The following SEMA6D variants were observed in gnomAD, a reference collection of about 807,000 sequenced individuals.
SEMA6D encodes semaphorin-6D.
A neutral mutation model predicts 106.6 loss-of-function variants in SEMA6D; 35 were observed. The observed-to-expected ratio is 0.33, with a 90% CI of 0.25 to 0.44. The LOEUF (loss-of-function observed/expected upper bound fraction) is 0.44, where lower values mean the gene tolerates loss of function less well. Ranked by LOEUF, SEMA6D falls within the 20% of genes least tolerant of loss-of-function variation. The pLI, the probability that SEMA6D is intolerant of heterozygous loss-of-function variation, is 1.00. For synonymous variants in SEMA6D, 499 were observed against 487.7 expected, an observed-to-expected ratio of 1.02 and a Z score of -0.31; for missense variants, 1,185 against 1,345.9, an observed-to-expected ratio of 0.88 and a Z score of 1.87.
chr15:47,237,929 G>A (rs767754497), intron 1 of SEMA6D, among the ~76,000 whole-genome samples: 1 of 152,064 alleles, frequency 6.6e-6, no homozygotes, highest in Non-Finnish European at 1.5e-5. Flanking sequence ...AGTTCAACAA[G>A]TAGCAACCAA....
chr15:47,756,295 G>A (rs899211063), intron 1 of SEMA6D, among the ~76,000 whole-genome samples: 7 of 151,724 alleles, frequency 4.6e-5, no homozygotes, highest in African/African-American at 7.3e-5. Context: ...TACATAAACA[G>A]TTTAGCAAAT....
chr15:47,238,890 T>C (rs1371318642), intron 1 of SEMA6D, among the ~76,000 whole-genome samples: 2 of 152,292 alleles, frequency 1.3e-5, no homozygotes, highest in African/African-American at 2.4e-5. Context: ...GGAATAAATA[T>C]GCCACTCAAC....
At chr15:47,300,436 G>A (rs1385728199) in intron 1 of SEMA6D, among the ~76,000 whole-genome samples, 1 of 151,916 alleles carries the variant, frequency 6.6e-6, no homozygotes, top group Non-Finnish European at 1.5e-5. Context: ...CTGGGGGGGT[G>A]GGCAGTGTTG....
At chr15:47,520,683 G>C (rs1271123838) in intron 3 of SEMA6D, among the ~76,000 whole-genome samples, 5 of 152,228 alleles carry the variant, frequency 3.3e-5, no homozygotes, top group Admixed American at 6.5e-5. Flanking sequence ...ACAAATGTCA[G>C]AGCCATGAGC....
intron 1 of SEMA6D, among the ~76,000 whole-genome samples, chr15:47,214,395 A>G (rs1197415146): frequency 6.6e-6 from 1 of 152,184 alleles, no homozygotes. Flanking sequence ...AGATTTAAAC[A>G]TTTAATGGAA....
At chr15:47,184,294 G>C (rs1045591854) in exon 1 of SEMA6D, 1 of 152,852 alleles carries the variant, frequency 6.5e-6, no homozygotes, top group Admixed American at 6.5e-5. Context: ...GCGGCAAGGG[G>C]AGTTTCCAGT....
chr15:47,547,795 C>T (rs1271643523), intron 3 of SEMA6D, among the ~76,000 whole-genome samples: 1 of 152,152 alleles, frequency 6.6e-6, no homozygotes. Flanking sequence ...GCATTATTAA[C>T]ATTCGTCTCC....
chr15:47,427,749 C>A (rs1174905487), intron 2 of SEMA6D, among the ~76,000 whole-genome samples: 6 of 152,140 alleles, frequency 3.9e-5, no homozygotes, highest in African/African-American at 1.4e-4. Context: ...CTTTTGTAAT[C>A]CATGAAGCAC....
intron 4 of SEMA6D, among the ~76,000 whole-genome samples, chr15:47,689,632 C>T (rs865827970): frequency 1.4e-4 from 22 of 152,288 alleles, no homozygotes; most frequent in Admixed American, 1.1e-3. Flanking sequence ...AACAAAGAGC[C>T]CCAGACAACC....
chr15:47,293,095 T>G (rs2035659260), intron 1 of SEMA6D, among the ~76,000 whole-genome samples: 1 of 151,838 alleles, frequency 6.6e-6, no homozygotes, highest in African/African-American at 2.4e-5. Flanking sequence ...GGGACTCTGG[T>G]GGTTGATTTT....
intron 3 of SEMA6D, among the ~76,000 whole-genome samples, chr15:47,518,920 A>C (rs2044478007): frequency 6.6e-6 from 1 of 152,060 alleles, no homozygotes; most frequent in Non-Finnish European, 1.5e-5. Context: ...TAGAAGGAGT[A>C]CACTCTATAA....
intron 4 of SEMA6D, among the ~76,000 whole-genome samples, chr15:47,632,766 C>T (rs551649041): frequency 1.3e-5 from 2 of 151,870 alleles, no homozygotes; most frequent in Admixed American, 6.6e-5. Context: ...AGGCCATTTA[C>T]GTTTAAGGTA....
Position 47,500,628 on chromosome 15 carries a change from G to T in SEMA6D, c.-87+30083G>T, listed in dbSNP as rs74011490. On this transcript the variant is annotated intron_variant, in intron 3 of 19. Coordinates refer to the SEMA6D transcript ENST00000558014. Reference sequence around the variant, plus strand: ...AAAAATTTTGTTAGAGGCCAGCCCAGGTCCCTCTTACAGAGGTTCTGACAT... The same window carrying T: ...AAAAATTTTGTTAGAGGCCAGCCCATGTCCCTCTTACAGAGGTTCTGACAT... 3.6e-3 allele frequency among the ~76,000 whole-genome samples: 549 copies of T among 152,274 alleles called. 4 individuals are homozygous for T. Among genetic ancestry groups the T allele is most frequent in the African/African-American group, 0.013 (534 of 41,570 alleles).
intron 1 of SEMA6D, among the ~76,000 whole-genome samples, chr15:47,340,464 T>G (rs1432591288): frequency 6.6e-6 from 1 of 152,240 alleles, no homozygotes; most frequent in Non-Finnish European, 1.5e-5. Flanking sequence ...CAGTTAATCA[T>G]GGATCGTTAT....
At chr15:47,431,875 A>C (rs575950759) in intron 2 of SEMA6D, among the ~76,000 whole-genome samples, 3 of 152,242 alleles carry the variant, frequency 2.0e-5, no homozygotes, top group African/African-American at 7.2e-5. Flanking sequence ...AATAATTATA[A>C]ATAAGCCTCT....
chr15:47,737,541 A>T (rs537373849), intron 1 of SEMA6D, among the ~76,000 whole-genome samples: 2 of 152,312 alleles, frequency 1.3e-5, no homozygotes, highest in Admixed American at 1.3e-4. Flanking sequence ...TGATCAGTGA[A>T]CATAAACCTT....
intron 1 of SEMA6D, among the ~76,000 whole-genome samples, chr15:47,306,213 GACCTTGTGATCTGCCC>G (rs1212520633): frequency 6.6e-6 from 1 of 151,828 alleles, no homozygotes; most frequent in African/African-American, 2.4e-5. Flanking sequence ...TCGATGTCTT[GACCTTGTGATCTGCCC>G]ACCTCGGCCT....
chr15:47,575,909 A>G (rs1260226926), intron 3 of SEMA6D, among the ~76,000 whole-genome samples: 2 of 152,242 alleles, frequency 1.3e-5, no homozygotes, highest in African/African-American at 4.8e-5. Context: ...TGTACATATT[A>G]TTTAAAAATA....
At chr15:47,478,120 A>G (rs2043049983) in intron 3 of SEMA6D, among the ~76,000 whole-genome samples, 1 of 152,082 alleles carries the variant, frequency 6.6e-6, no homozygotes, top group East Asian at 1.9e-4. Flanking sequence ...CACACAGCAT[A>G]TATATGTAAC....
Sources: gnomAD v4.1 joint callset for allele counts (sites outside exome capture counted in the v4.1 genomes callset) on GRCh38, gnomAD v4.1.1 for gene constraint, MANE v1.5 for transcripts, NCBI Gene and HGNC (gene_info 2026-07-23, HGNC 2026-07-21) for gene names.